Variants in SLC24A2 observed in about 807,000 individuals in gnomAD.
The protein encoded by SLC24A2 is sodium/potassium/calcium exchanger 2.
Under a neutral mutation model 62.0 loss-of-function variants are expected in SLC24A2, and 36 were observed. The ratio of observed to expected loss-of-function variants is 0.58; its 90% CI spans 0.44 to 0.77. SLC24A2 has a LOEUF of 0.77. SLC24A2 is among the 30% of genes least tolerant of loss of function. The probability of loss-of-function intolerance (pLI) is 0.00; values close to 1 mark genes in which losing one functional copy is unlikely to be tolerated. For missense variants in SLC24A2, 846 were observed against 817.9 expected, an observed-to-expected ratio of 1.03 and a Z score of -0.42; for synonymous variants, 358 against 294.0, an observed-to-expected ratio of 1.22 and a Z score of -2.23.
At chr9:20,044,490 G>T in the SLC24A2 span, among the ~76,000 whole-genome samples, 3 of 152,136 alleles carry the variant, frequency 2.0e-5, no homozygotes, top group Non-Finnish European at 4.4e-5. Context: ...GCAGGGTTGT[G>T]CTCATGGCTG....
At chr9:19,703,672 G>T (rs183914412) in intron 2 of SLC24A2, among the ~76,000 whole-genome samples, 1 of 151,896 alleles carries the variant, frequency 6.6e-6, no homozygotes, top group African/African-American at 2.4e-5. Context: ...GAAGATAGAG[G>T]TGAAACCATT....
chr9:19,681,587 C>T (rs1819724658), intron 2 of SLC24A2, among the ~76,000 whole-genome samples: 1 of 152,160 alleles, frequency 6.6e-6, no homozygotes, highest in Non-Finnish European at 1.5e-5. Flanking sequence ...CACCCACGGT[C>T]CTGTGGAGGA....
At chr9:19,915,236 C>G in the SLC24A2 span, among the ~76,000 whole-genome samples, 9 of 152,114 alleles carry the variant, frequency 5.9e-5, no homozygotes, top group African/African-American at 9.7e-5. Flanking sequence ...TTTCAAGTCT[C>G]ATATATGGTG....
chr9:19,796,908 G>A, the SLC24A2 span, among the ~76,000 whole-genome samples: 4 of 151,922 alleles, frequency 2.6e-5, no homozygotes, highest in African/African-American at 9.7e-5. Context: ...AATTTGTTTT[G>A]TGTATATTTA....
chr9:20,275,367 C>G, the SLC24A2 span, among the ~76,000 whole-genome samples: 1 of 151,826 alleles, frequency 6.6e-6, no homozygotes, highest in Non-Finnish European at 1.5e-5. Context: ...CTAGAGTTAC[C>G]TTGCCCTGAG....
chr9:19,656,771 C>T (rs1256666650), intron 2 of SLC24A2, among the ~76,000 whole-genome samples: 4 of 152,192 alleles, frequency 2.6e-5, no homozygotes, highest in Non-Finnish European at 5.9e-5. Context: ...TCCTTCCTTG[C>T]AACTGTGGTA....
At chr9:19,584,251 C>G (rs1174449638) in intron 5 of SLC24A2, among the ~76,000 whole-genome samples, 5 of 121,336 alleles carry the variant, frequency 4.1e-5, no homozygotes, top group Non-Finnish European at 8.4e-5. Context: ...GTACAAGTCA[C>G]AAACTAACAC....
At position 19,563,825 on chromosome 9, in the gene SLC24A2, C is replaced by T. The variant is rs1212533661; in HGVS notation, c.1347+9526G>A. On this transcript the variant is annotated intron_variant, in intron 7 of 10. Transcript: ENST00000341998. ...TCCTTCCTTCCTTCCTTCCTTCCTT[C>T]CTCCCTCCCTCCCTCCCTCCCTCCC... 1.7e-3 allele frequency among the ~76,000 whole-genome samples: 138 copies of T among 82,514 alleles called. 2 individuals are homozygous for T. The highest frequency in any genetic ancestry group is 0.015 in the Admixed American group (123 of 8,108). 54.1% of individuals were successfully genotyped at this position (82,514 alleles called of 152,430 possible). A position where few individuals can be genotyped will look rare whatever the true frequency, so the allele number is the denominator to read the frequency against.
At chr9:20,221,005 T>A in the SLC24A2 span, among the ~76,000 whole-genome samples, 12 of 152,154 alleles carry the variant, frequency 7.9e-5, no homozygotes, top group Non-Finnish European at 1.5e-5. Context: ...GTGCTTAACC[T>A]ACAGAGTTTA....
At chr9:20,289,817 C>G in the SLC24A2 span, among the ~76,000 whole-genome samples, 1 of 152,144 alleles carries the variant, frequency 6.6e-6, no homozygotes, top group Non-Finnish European at 1.5e-5. Context: ...GTTGATTTTC[C>G]TTGGCAAATA....
At chr9:19,916,065 C>T in the SLC24A2 span, among the ~76,000 whole-genome samples, 5 of 152,044 alleles carry the variant, frequency 3.3e-5, no homozygotes, top group East Asian at 5.8e-4. Context: ...GCCTTAGATC[C>T]GTTAGAGATA....
At chr9:20,020,405 G>C in the SLC24A2 span, among the ~76,000 whole-genome samples, 1 of 152,186 alleles carries the variant, frequency 6.6e-6, no homozygotes. Context: ...AAAAGGATGA[G>C]TTCATGTCCT....
the SLC24A2 span, among the ~76,000 whole-genome samples, chr9:19,935,261 G>C: frequency 6.6e-6 from 1 of 151,842 alleles, no homozygotes; most frequent in African/African-American, 2.4e-5. Context: ...GGGGGTTCTA[G>C]CATAAAAATG....
the SLC24A2 span, among the ~76,000 whole-genome samples, chr9:20,250,858 A>G: frequency 1.3e-5 from 2 of 152,236 alleles, no homozygotes; most frequent in Non-Finnish European, 2.9e-5. Context: ...CCTTAACTAT[A>G]AACCAAGTCT....
At chr9:19,886,902 G>C in the SLC24A2 span, among the ~76,000 whole-genome samples, 2 of 152,150 alleles carry the variant, frequency 1.3e-5, no homozygotes, top group Non-Finnish European at 1.5e-5. Context: ...GTCCTTTGCA[G>C]GGACATGGAT....
At chr9:19,894,076 G>T in the SLC24A2 span, among the ~76,000 whole-genome samples, 1 of 152,178 alleles carries the variant, frequency 6.6e-6, no homozygotes, top group Non-Finnish European at 1.5e-5. Flanking sequence ...TATTCTGGGT[G>T]GCTACGTGTC....
chr9:20,064,037 G>T, the SLC24A2 span, among the ~76,000 whole-genome samples: 1 of 152,118 alleles, frequency 6.6e-6, no homozygotes, highest in African/African-American at 2.4e-5. Flanking sequence ...ATTCATAGCA[G>T]CATTACCATA....
intron 8 of SLC24A2, among the ~76,000 whole-genome samples, chr9:19,545,874 T>C (rs1172215386): frequency 6.6e-6 from 1 of 152,272 alleles, no homozygotes; most frequent in East Asian, 1.9e-4. Flanking sequence ...CCTGACCTTG[T>C]GATCTGCCCT....
intron 2 of SLC24A2, among the ~76,000 whole-genome samples, chr9:19,749,706 C>T (rs958598942): frequency 7.2e-5 from 11 of 152,216 alleles, no homozygotes; most frequent in Non-Finnish European, 8.8e-5. Flanking sequence ...GATAAACTTA[C>T]GCTAAAAAAT....
Sources: allele counts gnomAD v4.1 joint callset (sites outside exome capture counted in the v4.1 genomes callset), GRCh38; gene constraint gnomAD v4.1.1; transcripts MANE v1.5; gene names NCBI Gene and HGNC (gene_info 2026-07-23, HGNC 2026-07-21).